The following ADAMTS17 variants were observed in gnomAD, a reference collection of about 807,000 sequenced individuals.
The protein encoded by ADAMTS17 is ADAM metallopeptidase with thrombospondin type 1 motif 17.
A neutral mutation model predicts 141.5 loss-of-function variants in ADAMTS17; 113 were observed. That is an observed-to-expected ratio of 0.80 (90% CI 0.69 to 0.93). The LOEUF is 0.93. Ranked by LOEUF, ADAMTS17 falls within the 40% of genes least tolerant of loss-of-function variation. ADAMTS17 has a pLI of 0.00. For synonymous variants in ADAMTS17, 768 were observed against 630.6 expected, an observed-to-expected ratio of 1.22 and a Z score of -3.27; for missense variants, 1,659 against 1,517.9, an observed-to-expected ratio of 1.09 and a Z score of -1.54.
At chr15:100,139,351 T>C (rs2038507694) in intron 10 of ADAMTS17, among the ~76,000 whole-genome samples, 1 of 152,232 alleles carries the variant, frequency 6.6e-6, no homozygotes, top group Non-Finnish European at 1.5e-5. Flanking sequence ...TAAAAGTGTA[T>C]GTAGACTCAT....
intron 8 of ADAMTS17, among the ~76,000 whole-genome samples, chr15:100,157,888 C>CTTTTTTTTTTTTTTT (rs1215411149): frequency 1.4e-5 from 2 of 141,456 alleles, no homozygotes; most frequent in Non-Finnish European, 3.1e-5. Context: ...TAGCTATATT[C>CTTTTTTTTTTTTTTT]TTTTTTTTTT....
intron 15 of ADAMTS17, among the ~76,000 whole-genome samples, chr15:100,056,675 A>C (rs2032599363): frequency 6.6e-6 from 1 of 152,234 alleles, no homozygotes; most frequent in Non-Finnish European, 1.5e-5. Flanking sequence ...GGTTCCTAAC[A>C]GACCATGGAC....
chr15:100,236,503 A>G (rs1338701797), intron 7 of ADAMTS17, among the ~76,000 whole-genome samples: 1 of 152,110 alleles, frequency 6.6e-6, no homozygotes, highest in East Asian at 1.9e-4. Flanking sequence ...ACTAACACTG[A>G]ACAGCTAACA....
At chr15:100,066,556 C>G (rs2033544660) in intron 15 of ADAMTS17, among the ~76,000 whole-genome samples, 1 of 146,120 alleles carries the variant, frequency 6.8e-6, no homozygotes, top group Non-Finnish European at 1.5e-5. Context: ...GTTGTAAACT[C>G]TCTGGCTTTA....
At chr15:100,271,194 C>T (rs1015350524) in intron 4 of ADAMTS17, among the ~76,000 whole-genome samples, 2 of 152,182 alleles carry the variant, frequency 1.3e-5, no homozygotes, top group Admixed American at 6.5e-5. Context: ...GGTGAATAAT[C>T]CTGCTATGAA....
Position 99,971,863 on chromosome 15 carries a change from C to A in ADAMTS17, c.*2539G>T. 6.6e-6 allele frequency: 1 copy of A among 152,386 alleles called. No individual in the cohort carries two copies. The highest frequency in any genetic ancestry group is 1.5e-5 in the Non-Finnish European group (1 of 68,054). The allele number at this position is 152,386 out of a possible 1,614,324, so 9.4% of individuals were successfully genotyped here. On this transcript the variant is annotated 3_prime_UTR_variant, in exon 22 of 22. Transcript: ENST00000268070. ...GGGTATTAACACAGAAACATCACTG[C>A]TGTGATCAGCATCTAGTGGAACAAG...
At chr15:100,030,267 G>A (rs181523968) in intron 18 of ADAMTS17, among the ~76,000 whole-genome samples, 2 of 152,130 alleles carry the variant, frequency 1.3e-5, no homozygotes, top group Non-Finnish European at 2.9e-5. Flanking sequence ...TGTGGGCCAG[G>A]GCACGTTCAT....
chr15:100,307,754 C>T (rs909722545), intron 3 of ADAMTS17, among the ~76,000 whole-genome samples: 4 of 152,152 alleles, frequency 2.6e-5, no homozygotes, highest in African/African-American at 9.7e-5. Context: ...GTGTGGCTGG[C>T]GTCCTCCACA....
chr15:100,044,082 C>T (rs570694800), intron 18 of ADAMTS17, among the ~76,000 whole-genome samples: 1 of 152,290 alleles, frequency 6.6e-6, no homozygotes, highest in Admixed American at 6.5e-5. Context: ...GAGGCAAAAT[C>T]ACGAACTTGA....
intron 4 of ADAMTS17, among the ~76,000 whole-genome samples, chr15:100,270,594 G>A (rs1459217282): frequency 6.6e-6 from 1 of 151,554 alleles, no homozygotes; most frequent in Non-Finnish European, 1.5e-5. Context: ...ATTCATTTAT[G>A]CATTCACTGA....
intron 3 of ADAMTS17, among the ~76,000 whole-genome samples, chr15:100,309,905 G>A (rs1052558691): frequency 1.4e-4 from 21 of 152,168 alleles, no homozygotes; most frequent in Non-Finnish European, 2.2e-4. Context: ...AGAGACCCCA[G>A]GACCCTTGCA....
chr15:100,146,082 A>C (rs2038889645), intron 10 of ADAMTS17, among the ~76,000 whole-genome samples: 1 of 152,246 alleles, frequency 6.6e-6, no homozygotes, highest in Non-Finnish European at 1.5e-5. Flanking sequence ...CTGAGACAGG[A>C]GAATCACTTG....
rs146777525 is a variant in ADAMTS17, at chr15:100,116,589, C to T, written c.1888+258G>A. ...GGGCAGGATGCCAGCACAGCCTCCT[C>T]GCTACAAATGGGGTTGCAGGATGCA... On this transcript the variant is annotated intron_variant, in intron 13 of 21. Transcript: ENST00000268070. Among the ~76,000 whole-genome samples, 155 of 152,348 alleles carry T rather than the reference C, an allele frequency of 1.0e-3. 1 individual carries two copies. The highest frequency in any genetic ancestry group is 4.4e-3 in the East Asian group (23 of 5,180).
At chr15:100,162,479 G>T (rs1334985762) in intron 8 of ADAMTS17, among the ~76,000 whole-genome samples, 3 of 125,262 alleles carry the variant, frequency 2.4e-5, no homozygotes, top group Non-Finnish European at 3.3e-5. Context: ...CATTATATGT[G>T]TATATATATG....
intron 13 of ADAMTS17, among the ~76,000 whole-genome samples, chr15:100,111,807 T>C (rs933920486): frequency 2.6e-5 from 4 of 152,222 alleles, no homozygotes; most frequent in African/African-American, 9.6e-5. Context: ...TCGTTTCAGG[T>C]GGGTGCTGTC....
intron 3 of ADAMTS17, among the ~76,000 whole-genome samples, chr15:100,328,528 G>A (rs1321684512): frequency 6.6e-6 from 1 of 152,188 alleles, no homozygotes; most frequent in Admixed American, 6.5e-5. Flanking sequence ...TGAGAGCAGG[G>A]AAGGAGAGAT....
At chr15:100,246,296 TAA>T (rs2042984642) in intron 7 of ADAMTS17, among the ~76,000 whole-genome samples, 1 of 152,210 alleles carries the variant, frequency 6.6e-6, no homozygotes, top group Non-Finnish European at 1.5e-5. Context: ...GCGACTTTCC[TAA>T]GTCTTTTAAG....
Position 100,180,258 on chromosome 15 carries a change from A to T in ADAMTS17, c.1181+19060T>A, listed in dbSNP as rs2040478178. 3.9e-5 allele frequency among the ~76,000 whole-genome samples: 6 copies of T among 152,262 alleles called. 1 individual carries two copies. The highest frequency in any genetic ancestry group is 6.8e-3 in the Middle Eastern group (2 of 294). On this transcript the variant is annotated intron_variant, in intron 8 of 21. Coordinates refer to ENST00000268070, the MANE Select transcript of ADAMTS17 (RefSeq NM_139057.4). ...ATGGATATCTAGTTTTCCCAGCCCC[A>T]CTTATTGAGGAGACTGTCCTTTCCC...
chr15:100,326,439 C>G (rs2045903901), intron 3 of ADAMTS17, among the ~76,000 whole-genome samples: 1 of 152,132 alleles, frequency 6.6e-6, no homozygotes, highest in Non-Finnish European at 1.5e-5. Flanking sequence ...CCTTGCTGAG[C>G]AAAGATCAGC....
Sources: allele counts gnomAD v4.1 joint callset (sites outside exome capture counted in the v4.1 genomes callset), GRCh38; gene constraint gnomAD v4.1.1; transcripts MANE v1.5; gene names NCBI Gene and HGNC (gene_info 2026-07-23, HGNC 2026-07-21).